Variants in CNTN5 observed in about 807,000 individuals in gnomAD.
CNTN5 encodes the protein contactin 5.
Under a neutral mutation model 129.1 loss-of-function variants are expected in CNTN5, and 77 were observed. The observed-to-expected ratio is 0.60, with a 90% CI of 0.50 to 0.72. The LOEUF (loss-of-function observed/expected upper bound fraction) is 0.72. CNTN5 is among the 30% of genes least tolerant of loss of function. The probability of loss-of-function intolerance (pLI) is 0.00; values close to 1 mark genes in which losing one functional copy is unlikely to be tolerated. For synonymous variants in CNTN5, 509 were observed against 465.6 expected (o/e 1.09, Z -1.20); for missense variants, 1,478 against 1,328.8 (o/e 1.11, Z -1.75).
chr11:99,032,636 T>A (rs570011801), intron 1 of CNTN5, among the ~76,000 whole-genome samples: 1 of 152,210 alleles, frequency 6.6e-6, no homozygotes, highest in East Asian at 1.9e-4. Flanking sequence ...CTTGTAAATC[T>A]GTTTGAGTTC....
At chr11:99,191,163 A>T (rs954157594) in intron 1 of CNTN5, among the ~76,000 whole-genome samples, 2 of 151,786 alleles carry the variant, frequency 1.3e-5, no homozygotes, top group Non-Finnish European at 3.0e-5. Context: ...CCTGTGTTTA[A>T]CGATCCTTGC....
chr11:99,066,880 C>G (rs1487447004), intron 1 of CNTN5, among the ~76,000 whole-genome samples: 1 of 152,138 alleles, frequency 6.6e-6, no homozygotes, highest in African/African-American at 2.4e-5. Flanking sequence ...TTGATGGTGA[C>G]TGCGATTCAA....
chr11:99,698,866 TTAAA>T (rs1416859561), intron 3 of CNTN5, among the ~76,000 whole-genome samples: 10 of 150,262 alleles, frequency 6.7e-5, no homozygotes, highest in African/African-American at 2.4e-4. Context: ...TAGGTACTGA[TTAAA>T]TAAGTAGTAT....
At chr11:99,781,182 A>G (rs928048335) in intron 3 of CNTN5, among the ~76,000 whole-genome samples, 1 of 152,102 alleles carries the variant, frequency 6.6e-6, no homozygotes, top group Non-Finnish European at 1.5e-5. Flanking sequence ...ATTCAAGAGT[A>G]AAATAAATTG....
chr11:99,686,083 C>A (rs1565426018), intron 3 of CNTN5, among the ~76,000 whole-genome samples: 1 of 151,502 alleles, frequency 6.6e-6, no homozygotes, highest in African/African-American at 2.4e-5. Context: ...CTTTTCCATT[C>A]ATTCCACCTG....
At chr11:100,089,511 G>A (rs1944673504) in intron 13 of CNTN5, among the ~76,000 whole-genome samples, 1 of 152,078 alleles carries the variant, frequency 6.6e-6, no homozygotes, top group Admixed American at 6.6e-5. Flanking sequence ...ATTCCTCAAA[G>A]ACCTACAACC....
intron 18 of CNTN5, among the ~76,000 whole-genome samples, chr11:100,287,138 AC>A (rs1254179034): frequency 2.0e-5 from 3 of 152,208 alleles, no homozygotes; most frequent in African/African-American, 7.2e-5. Flanking sequence ...TGATTGGTGT[AC>A]CTGAAAGTGT....
chr11:100,062,778 T>A (rs1370943788), intron 10 of CNTN5, among the ~76,000 whole-genome samples: 2 of 152,232 alleles, frequency 1.3e-5, no homozygotes, highest in Non-Finnish European at 2.9e-5. Context: ...TGATTGTTTT[T>A]AGGCCATGAA....
chr11:99,929,431 G>A (rs746121057), intron 7 of CNTN5, among the ~76,000 whole-genome samples: 29 of 152,124 alleles, frequency 1.9e-4, no homozygotes, highest in Non-Finnish European at 3.4e-4. Flanking sequence ...CCAGTTTACT[G>A]TAATAGTCCA....
intron 14 of CNTN5, among the ~76,000 whole-genome samples, chr11:100,192,857 A>T (rs1948532708): frequency 6.6e-6 from 1 of 151,994 alleles, no homozygotes. Flanking sequence ...ACCTTTCTTT[A>T]TATATGCCAA....
chr11:99,929,862 T>C (rs970476050), intron 7 of CNTN5, among the ~76,000 whole-genome samples: 3 of 152,126 alleles, frequency 2.0e-5, no homozygotes, highest in Admixed American at 2.0e-4. Flanking sequence ...TCTTGTCCTG[T>C]TGGAAGAAAG....
chr11:99,149,027 A>G (rs1361431182), intron 1 of CNTN5, among the ~76,000 whole-genome samples: 1 of 152,152 alleles, frequency 6.6e-6, no homozygotes, highest in Non-Finnish European at 1.5e-5. Context: ...AATGAGTAAT[A>G]AGGAAAATGG....
At chr11:99,948,845 G>A (rs1950610218) in intron 7 of CNTN5, among the ~76,000 whole-genome samples, 1 of 152,172 alleles carries the variant, frequency 6.6e-6, no homozygotes, top group Non-Finnish European at 1.5e-5. Context: ...ATGAAGATTG[G>A]CTGCTTCCTC....
At chr11:100,070,867 C>T (rs1015106396) in intron 11 of CNTN5, among the ~76,000 whole-genome samples, 3 of 151,914 alleles carry the variant, frequency 2.0e-5, no homozygotes, top group African/African-American at 7.3e-5. Context: ...GTTTTCAATC[C>T]TATAAATTTT....
At chr11:99,912,227 T>G (rs1163338697) in intron 6 of CNTN5, among the ~76,000 whole-genome samples, 1 of 151,872 alleles carries the variant, frequency 6.6e-6, no homozygotes, top group African/African-American at 2.4e-5. Context: ...ATCTAAAGTC[T>G]GTGTGTATGT....
At chr11:99,782,814 T>TA (rs904682266) in intron 3 of CNTN5, among the ~76,000 whole-genome samples, 6 of 151,838 alleles carry the variant, frequency 4.0e-5, no homozygotes, top group African/African-American at 1.4e-4. Context: ...TTACACCTTA[T>TA]ACAAAAATCA....
At chr11:99,702,620 A>G (rs113489172) in intron 3 of CNTN5, among the ~76,000 whole-genome samples, 2,320 of 151,050 alleles carry the variant, frequency 0.015, 33 homozygotes, top group Middle Eastern at 0.027. Flanking sequence ...AACAATAAAT[A>G]TTTCAAAATT....
In CNTN5 at chr11:99,573,502, G is replaced by A. The variant is rs193011435; in HGVS notation, c.55+17233G>A. Reference sequence around the variant, plus strand: ...GGAGAATGGCGTGAACCAGGAAGGCGGAGTTTGCAGTGAGCCCAGATCACG... The same window carrying A: ...GGAGAATGGCGTGAACCAGGAAGGCAGAGTTTGCAGTGAGCCCAGATCACG... On this transcript the variant is annotated intron_variant, in intron 3 of 24. Coordinates refer to ENST00000524871, the MANE Select transcript of CNTN5 (RefSeq NM_014361.4). Among the ~76,000 whole-genome samples the A allele has an allele frequency of 2.2e-3, 340 of 151,982 alleles. 2 individuals are homozygous for A. Among genetic ancestry groups the A allele is most frequent in the African/African-American group, 7.5e-3 (310 of 41,514 alleles).
intron 3 of CNTN5, among the ~76,000 whole-genome samples, chr11:99,628,235 TA>T (rs10716337): frequency 0.14 from 21,998 of 151,882 alleles, 1,819 homozygotes; most frequent in South Asian, 0.22. Context: ...GTAGTATTTT[TA>T]GGGTAAACAT....
Sources: allele counts gnomAD v4.1 joint callset (sites outside exome capture counted in the v4.1 genomes callset), GRCh38; gene constraint gnomAD v4.1.1; transcripts MANE v1.5; gene names NCBI Gene and HGNC (gene_info 2026-07-23, HGNC 2026-07-21).